The following NTNG1 variants were observed in gnomAD, a reference collection of about 807,000 sequenced individuals.
NTNG1 encodes the protein netrin G1.
A neutral mutation model predicts 54.0 loss-of-function variants in NTNG1; 16 were observed. The observed-to-expected ratio is 0.30, with a 90% CI of 0.20 to 0.45. The LOEUF is 0.45. NTNG1 is among the 20% of genes least tolerant of loss of function. NTNG1 has a pLI of 1.00. For missense variants in NTNG1, 530 were observed against 678.7 expected, an observed-to-expected ratio of 0.78 and a Z score of 2.43; for synonymous variants, 255 against 263.1, an observed-to-expected ratio of 0.97 and a Z score of 0.30.
intron 2 of NTNG1, among the ~76,000 whole-genome samples, chr1:107,218,992 T>C (rs956796418): frequency 1.2e-4 from 18 of 152,208 alleles, no homozygotes; most frequent in Admixed American, 1.1e-3. Context: ...TAGCTCCAAA[T>C]ATGTTTTTGG....
chr1:107,460,335 T>C (rs1279186678), intron 7 of NTNG1: 2 of 516,042 alleles, frequency 3.9e-6, no homozygotes, highest in Non-Finnish European at 7.7e-6. Context: ...CTGCTCTTAC[T>C]GTCAGAAAGA....
At chr1:107,442,413 T>C (rs992748102) in intron 7 of NTNG1, among the ~76,000 whole-genome samples, 1 of 151,806 alleles carries the variant, frequency 6.6e-6, no homozygotes, top group African/African-American at 2.4e-5. Context: ...AGACTACCTA[T>C]AAAAAAAAGA....
chr1:107,451,960 A>G (rs2101488627), intron 7 of NTNG1, among the ~76,000 whole-genome samples: 1 of 152,292 alleles, frequency 6.6e-6, no homozygotes, highest in Middle Eastern at 3.4e-3. Context: ...TCTAAGGTCT[A>G]TTCCAGCTCA....
intron 3 of NTNG1, among the ~76,000 whole-genome samples, chr1:107,386,135 A>G (rs1222964858): frequency 9.2e-6 from 1 of 108,732 alleles, no homozygotes; most frequent in Non-Finnish European, 2.1e-5. Flanking sequence ...ATGTATGTAT[A>G]TATATATATG....
rs78953699 is a variant in NTNG1, at chr1:107,225,174, A to G, written c.246+76335A>G. Among the ~76,000 whole-genome samples the G allele has an allele frequency of 2.4e-4, 36 of 152,292 alleles. No homozygotes were observed. In the East Asian group the frequency reaches 6.7e-3, roughly 29 times the overall value. On this transcript the variant is annotated intron_variant, in intron 2 of 7. Coordinates refer to ENST00000370068, the MANE Select transcript of NTNG1 (RefSeq NM_001113226.3). Reference sequence around the variant, plus strand: ...CATAGCCAGAACATAAGATTTATATAGGAATGAAATTAGAAGAATTAGCAA... The same window carrying G: ...CATAGCCAGAACATAAGATTTATATGGGAATGAAATTAGAAGAATTAGCAA...
chr1:107,198,851 G>T (rs1658527067), intron 2 of NTNG1, among the ~76,000 whole-genome samples: 1 of 151,850 alleles, frequency 6.6e-6, no homozygotes, highest in South Asian at 2.1e-4. Flanking sequence ...GGCTCATGGA[G>T]TGTTTAGTCC....
intron 7 of NTNG1, among the ~76,000 whole-genome samples, chr1:107,469,383 A>T (rs1677831416): frequency 1.3e-5 from 2 of 152,042 alleles, no homozygotes; most frequent in African/African-American, 4.8e-5. Context: ...CTGCCAAATA[A>T]TTTTCCCTTT....
chr1:107,319,885 A>ATATATATATATATATATATATATATAT (rs1557896129), intron 2 of NTNG1, among the ~76,000 whole-genome samples: 1 of 150,942 alleles, frequency 6.6e-6, no homozygotes, highest in African/African-American at 2.4e-5. Context: ...ATATATATAT[A>ATATATATATATATATATATATATATAT]AAACTCTGAA....
At position 107,188,504 on chromosome 1, in the gene NTNG1, T is replaced by A. The variant is rs554117235; in HGVS notation, c.246+39665T>A. On this transcript the variant is annotated intron_variant, in intron 2 of 7. Coordinates refer to ENST00000370068, the MANE Select transcript of NTNG1 (RefSeq NM_001113226.3). The stretch of plus-strand genomic sequence containing the variant: ...TCACTGAAAGCTCCAGAATCCAGAT[T>A]TTTTAAAGTGCACATGTAATTAATT... Among the ~76,000 whole-genome samples, 14 of 152,276 alleles carry A rather than the reference T, an allele frequency of 9.2e-5. No individual in the cohort carries two copies. The South Asian group carries it at 1.2e-3, about 14-fold the overall frequency.
intron 3 of NTNG1, among the ~76,000 whole-genome samples, chr1:107,329,298 A>T (rs1419864343): frequency 6.6e-6 from 1 of 152,156 alleles, no homozygotes; most frequent in African/African-American, 2.4e-5. Flanking sequence ...CACTATGACT[A>T]GGTGCCAGGA....
At chr1:107,164,957 C>T (rs893302280) in intron 2 of NTNG1, among the ~76,000 whole-genome samples, 6 of 151,990 alleles carry the variant, frequency 3.9e-5, no homozygotes, top group African/African-American at 9.7e-5. Context: ...AGGGTTGGAC[C>T]GCACAGTCTA....
intron 2 of NTNG1, among the ~76,000 whole-genome samples, chr1:107,292,544 A>G (rs1237265604): frequency 6.6e-6 from 1 of 152,092 alleles, no homozygotes; most frequent in African/African-American, 2.4e-5. Context: ...GTCTCCCCCA[A>G]AATAGAAGCA....
chr1:107,311,742 A>G (rs1331343261), intron 2 of NTNG1, among the ~76,000 whole-genome samples: 1 of 152,150 alleles, frequency 6.6e-6, no homozygotes, highest in African/African-American at 2.4e-5. Context: ...ATCATTAAAA[A>G]TGTTTGCACA....
intron 3 of NTNG1, among the ~76,000 whole-genome samples, chr1:107,384,447 C>A (rs11185103): frequency 0.37 from 55,882 of 151,834 alleles, 11,138 homozygotes; most frequent in Middle Eastern, 0.51. Context: ...CTCTCTCTCT[C>A]TATATATATG....
chr1:107,388,453 C>A (rs921945590), intron 3 of NTNG1, among the ~76,000 whole-genome samples: 1 of 152,216 alleles, frequency 6.6e-6, no homozygotes, highest in African/African-American at 2.4e-5. Context: ...TAAATCCCTG[C>A]TCCATTTTGT....
chr1:107,428,668 A>G (rs182293795), intron 5 of NTNG1, among the ~76,000 whole-genome samples: 42 of 152,174 alleles, frequency 2.8e-4, no homozygotes, highest in Admixed American at 2.5e-3. Context: ...AGGTTTGAGA[A>G]TTGGGTTTCC....
chr1:107,269,025 AT>A (rs997198056), intron 2 of NTNG1, among the ~76,000 whole-genome samples: 1 of 151,970 alleles, frequency 6.6e-6, no homozygotes, highest in Non-Finnish European at 1.5e-5. Flanking sequence ...TTCAGTACAA[AT>A]TTTTTTTAAT....
At chr1:107,164,414 T>C (rs1483040792) in intron 2 of NTNG1, among the ~76,000 whole-genome samples, 1 of 152,156 alleles carries the variant, frequency 6.6e-6, no homozygotes, top group African/African-American at 2.4e-5. Context: ...GATGTGACCA[T>C]TGGGTGATAA....
At chr1:107,278,370 G>T (rs1332159574) in intron 2 of NTNG1, among the ~76,000 whole-genome samples, 2 of 152,120 alleles carry the variant, frequency 1.3e-5, no homozygotes, top group Non-Finnish European at 2.9e-5. Flanking sequence ...TTTTCCTTAA[G>T]ATCTTGTCTC....
Sources: gnomAD v4.1 joint callset for allele counts (sites outside exome capture counted in the v4.1 genomes callset) on GRCh38, gnomAD v4.1.1 for gene constraint, MANE v1.5 for transcripts, NCBI Gene and HGNC (gene_info 2026-07-23, HGNC 2026-07-21) for gene names.